The following STRIP1 variants were observed in gnomAD, a reference collection of about 807,000 sequenced individuals.
STRIP1 encodes the protein striatin interacting protein 1.
Under a neutral mutation model 106.2 loss-of-function variants are expected in STRIP1, and 63 were observed. That is an observed-to-expected ratio of 0.59 (90% CI 0.48 to 0.73). The LOEUF (loss-of-function observed/expected upper bound fraction) is 0.73, where lower values mean the gene tolerates loss of function less well. Ranked by LOEUF, STRIP1 falls within the 30% of genes least tolerant of loss-of-function variation. The pLI is 0.00. For missense variants in STRIP1, 857 were observed against 1,074.8 expected, an observed-to-expected ratio of 0.80 and a Z score of 2.83; for synonymous variants, 390 against 413.0, an observed-to-expected ratio of 0.94 and a Z score of 0.67.
chr1:110,037,541 AT>A (rs1456636954), intron 1 of STRIP1, among the ~76,000 whole-genome samples: 1 of 152,250 alleles, frequency 6.6e-6, no homozygotes, highest in East Asian at 1.9e-4. Flanking sequence ...GTATTTATTC[AT>A]TTAACAAATA....
chr1:110,054,514 G>C lies in STRIP1; in HGVS notation c.*602G>C, dbSNP rs148049018. 23 of 152,924 alleles carry C rather than the reference G, an allele frequency of 1.5e-4. No individual in the cohort carries two copies. Among genetic ancestry groups the C allele is most frequent in the African/African-American group, 5.3e-4 (22 of 41,508 alleles). The allele number at this position is 152,924 out of a possible 1,614,324, so 9.5% of individuals were successfully genotyped here. A position where few individuals can be genotyped will look rare whatever the true frequency, so the allele number is the denominator to read the frequency against. On this transcript the variant is annotated 3_prime_UTR_variant, in exon 21 of 21. Transcript: ENST00000369795. Reference sequence around the variant, plus strand: ...AAGAGAAGCTTCCCTTAACCAGAGGGGCCATTTTTCCTTTTGGCTTTCGAG... The same window carrying C: ...AAGAGAAGCTTCCCTTAACCAGAGGCGCCATTTTTCCTTTTGGCTTTCGAG...
chr1:110,048,818 G>A (rs1330268698), intron 15 of STRIP1, among the ~76,000 whole-genome samples: 1 of 152,218 alleles, frequency 6.6e-6, no homozygotes, highest in African/African-American at 2.4e-5. Flanking sequence ...TAATATGGCA[G>A]CAGAAGCTTA....
At chr1:110,041,379 G>A (rs1308407564) in intron 6 of STRIP1, 157 bp from the exon 7 acceptor site, 1 of 597,730 alleles carries the variant, frequency 1.7e-6, no homozygotes, top group Non-Finnish European at 3.0e-6. Context: ...GGAAGCTTAG[G>A]GTGGTAAATG....
chr1:110,037,899 G>A lies in STRIP1; in HGVS notation c.189G>A (p.Ser63=), dbSNP rs1198762262. ...TCTCCTCTTGTCAGCAGGGCTATTC[G>A]GAGTCACCAGACCTGGAGTTTGAGT... ...RNQRKDSEGY[S]ESPDLEFEYA... is the part of the protein sequence containing the mutation. The change falls in exon 2 of 21, where the codon TCG becomes TCA. Residue 63 remains serine (S), a synonymous_variant. Transcript: ENST00000369795. 8 of 1,609,354 alleles carry A rather than the reference G, an allele frequency of 5.0e-6. No homozygotes were observed. Among genetic ancestry groups the A allele is most frequent in the South Asian group, 3.3e-5 (3 of 90,950 alleles).
chr1:110,049,378 A>T (rs1653181482), intron 16 of STRIP1, 82 bp from the exon 17 acceptor site: 6 of 1,545,044 alleles, frequency 3.9e-6, no homozygotes, highest in Non-Finnish European at 5.3e-6. Flanking sequence ...CCTTCAGCCA[A>T]GGCCTTTCAT....
chr1:110,053,923 T>G lies in STRIP1; in HGVS notation c.*11T>G. ...GAGCTGCTGCAGTGAGGCTGTTGGT[T>G]AGGGGACTGAAATGGAGAGAAAAGA... On this transcript the variant is annotated 3_prime_UTR_variant, in exon 21 of 21. Transcript: ENST00000369795. 1 of 1,613,818 alleles carries G rather than the reference T, an allele frequency of 6.2e-7. No individual in the cohort carries two copies. The highest frequency in any genetic ancestry group is 8.5e-7 in the Non-Finnish European group (1 of 1,179,870).
In STRIP1 at chr1:110,045,077, A is replaced by T. The variant is rs1652954498; in HGVS notation, c.1415A>T (p.Gln472Leu). The T allele has an allele frequency of 1.9e-6, 3 of 1,614,052 alleles. No individual in the cohort carries two copies. The highest frequency in any genetic ancestry group is 2.2e-5 in the South Asian group (2 of 91,070). Residue 472 changes from glutamine (Q) to leucine (L), a missense_variant and splice_region_variant, in exon 12 of 21, where the codon CAG becomes CTG. Gln to Leu is a moderately radical substitution (Grantham distance 113). Around this residue, in one of 2 missense-constraint regions of STRIP1, gnomAD observed 750 missense variants for 989.8 expected, o/e 0.76. Transcript: ENST00000369795. ...PIHESIKTLK[Q>L]HKYTSIAEVQ... ...CACGAAAGCATCAAGACTCTGAAAC[A>T]GGTGAGTGGCTTTGGGTGAGCTTTT...
At chr1:110,031,718 T>A (rs141469611), upstream of STRIP1, 5 of 152,256 alleles carry the variant, frequency 3.3e-5, no homozygotes, top group Admixed American at 6.5e-5. Context: ...CAGCTTCTAC[T>A]CTCTACTGGA....
rs1570932483 is a variant in STRIP1 at position 110,053,987 on chromosome 1, C to T, written c.*75C>T. ...CCTGTGGGACTGTCCTAGTTCATTGCTGCAGTGCTCCCATCCCCCACCAGG... is the reference window on the plus strand; with the variant it reads ...CCTGTGGGACTGTCCTAGTTCATTGTTGCAGTGCTCCCATCCCCCACCAGG... On this transcript the variant is annotated 3_prime_UTR_variant, in exon 21 of 21. Transcript: ENST00000369795. 6.5e-7 allele frequency: 1 copy of T among 1,547,610 alleles called. No homozygotes were observed. Among genetic ancestry groups the T allele is most frequent in the Non-Finnish European group, 8.8e-7 (1 of 1,137,094 alleles).
chr1:110,050,363 C>T lies in STRIP1; in HGVS notation c.1910C>T (p.Pro637Leu). The T allele has an allele frequency of 6.2e-7, 1 of 1,614,150 alleles. No individual in the cohort carries two copies. The highest frequency in any genetic ancestry group is 2.2e-5 in the East Asian group (1 of 44,866). Residue 637 changes from proline to leucine, a missense_variant, in exon 18 of 21, where the codon CCT (proline) becomes CTT (leucine). Pro to Leu is a moderately conservative substitution (Grantham distance 98). Transcript: ENST00000369795. ...AKNSISVLDY[P>L]HCVVHELPEL... The stretch of plus-strand genomic sequence containing the variant: ...TGCAGCATTTCTGTCCTGGATTACC[C>T]TCACTGCGTGGTGCATGAGCTGCCA...
rs773945942 is a variant in STRIP1, at chr1:110,043,799, A to C, written c.1229A>C (p.His410Pro). The stretch of plus-strand genomic sequence containing the variant: ...GAAGTGATGCCTCCCCCGCTACAGC[A>C]CCCACAGACTGACAGGCTGACTTGC... Reference protein sequence around the residue: ...RDEVMPPPLQHPQTDRLTCPK... With the variant: ...RDEVMPPPLQPPQTDRLTCPK... Residue 410 changes from histidine (H) to proline (P), a missense_variant, in exon 10 of 21, where the codon CAC becomes CCC. This residue lies in a region of STRIP1 where 750 missense variants were observed against 989.8 expected (regional missense o/e 0.76). Transcript: ENST00000369795. 1.2e-6 allele frequency: 2 copies of C among 1,614,132 alleles called. No individual in the cohort carries two copies. Among genetic ancestry groups the C allele is most frequent in the Non-Finnish European group, 1.7e-6 (2 of 1,180,012 alleles).
chr1:110,043,617 C>A, intron 9 of STRIP1, 22 bp from the exon 10 acceptor site: 1 of 1,606,616 alleles, frequency 6.2e-7, no homozygotes, highest in South Asian at 1.1e-5. Flanking sequence ...GCTCTTGTCT[C>A]ATCTCCCTTC....
chr1:110,036,547 T>TATA lies in STRIP1; in HGVS notation c.181-1343_181-1341dup, dbSNP rs1447301795. 8.5e-5 allele frequency among the ~76,000 whole-genome samples: 13 copies of TATA among 152,336 alleles called. No homozygotes were observed. In the South Asian group the frequency reaches 1.4e-3, roughly 17 times the overall value. ...AGAGACCTGTCTAAATCCATTTCTT[T>TATA]ATAGAGAGTCTGATGCCATGATCTT... On this transcript the variant is annotated intron_variant, in intron 1 of 20. Transcript: ENST00000369795.
intron 17 of STRIP1, chr1:110,049,862 A>G (rs960577776): frequency 1.3e-5 from 4 of 318,906 alleles, no homozygotes; most frequent in African/African-American, 4.8e-5. Context: ...TGAGGAGTCC[A>G]TGGGCTGCTT....
intron 17 of STRIP1, 110 bp downstream of exon 17, chr1:110,049,670 C>G (rs1653200340): frequency 1.4e-6 from 1 of 721,564 alleles, no homozygotes; most frequent in African/African-American, 1.8e-5. Flanking sequence ...CAGCACTGTG[C>G]TAGGCATCAA....
chr1:110,044,993 CAG>C lies in STRIP1; in HGVS notation c.1353-21_1353-20del, dbSNP rs1652949418. 1 of 1,613,864 alleles carries C rather than the reference CAG, an allele frequency of 6.2e-7. No homozygotes were observed. Among genetic ancestry groups the C allele is most frequent in the Non-Finnish European group, 8.5e-7 (1 of 1,179,850 alleles). On this transcript the variant is annotated intron_variant, in intron 11 of 20. Transcript: ENST00000369795. ...GGTGATTTGATGTCGAGGCTCAACA[CAG>C]GGCCTTCTTTATTCTCCAGTGACAC...
chr1:110,049,389 C>T (rs901199395), intron 16 of STRIP1, 71 bp from the exon 17 acceptor site: 9 of 1,549,306 alleles, frequency 5.8e-6, no homozygotes, highest in Non-Finnish European at 7.9e-6. Flanking sequence ...GGCCTTTCAT[C>T]CCTGGAGGAA....
chr1:110,053,882 G>C lies in STRIP1; in HGVS notation c.2484G>C (p.Lys828Asn), dbSNP rs148203764. The change falls in exon 21 of 21, where the codon AAG (lysine) becomes AAC (asparagine). Residue 828 changes from lysine (K) to asparagine (N), a missense_variant. Physicochemically the swap from Lys to Asn is moderately conservative, Grantham distance 94. Transcript: ENST00000369795. ...DLWLEREVFS[K>N]PISWEELLQ is the part of the protein sequence containing the mutation. ...GGTTAGAAAGGGAGGTCTTCTCCAA[G>C]CCCATTTCCTGGGAAGAGCTGCTGC... 4.8e-5 allele frequency: 77 copies of C among 1,614,046 alleles called. No homozygotes were observed. The highest frequency in any genetic ancestry group is 6.2e-5 in the Non-Finnish European group (73 of 1,180,040).
chr1:110,034,926 G>C, intron 1 of STRIP1, 109 bp downstream of exon 1: 2 of 1,106,380 alleles, frequency 1.8e-6, no homozygotes, highest in Non-Finnish European at 1.2e-6. Context: ...GCTCGGTAGA[G>C]TCCGGCCGAG....
Sources: allele counts gnomAD v4.1 joint callset (sites outside exome capture counted in the v4.1 genomes callset), GRCh38; gene constraint gnomAD v4.1.1; regional missense constraint gnomAD v4.1.1; transcripts MANE v1.5; gene names NCBI Gene and HGNC (gene_info 2026-07-23, HGNC 2026-07-21).